PRTG: variants seen among roughly 807,000 people sequenced by gnomAD.
PRTG encodes the protein immunoglobulin superfamily, DCC subclass, member 5.
In PRTG, 67 loss-of-function variants were observed where a neutral mutation model predicts 122.5. That is an observed-to-expected ratio of 0.55 (90% CI 0.45 to 0.67). The LOEUF is 0.67. PRTG is among the 30% of genes least tolerant of loss of function. The pLI is 0.00. For missense variants in PRTG, 1,435 were observed against 1,415.4 expected, an observed-to-expected ratio of 1.01 and a Z score of -0.22; for synonymous variants, 554 against 501.1, an observed-to-expected ratio of 1.11 and a Z score of -1.41.
chr15:55,647,510 G>A (rs1408919334), intron 11 of PRTG, among the ~76,000 whole-genome samples: 1 of 152,158 alleles, frequency 6.6e-6, no homozygotes, highest in Non-Finnish European at 1.5e-5. Flanking sequence ...ACTTGAGCAA[G>A]TTTCTTTCTT....
At chr15:55,625,347 C>T (rs751595487) in intron 17 of PRTG, among the ~76,000 whole-genome samples, 3 of 152,098 alleles carry the variant, frequency 2.0e-5, no homozygotes, top group Admixed American at 6.5e-5. Context: ...CCATATGTCC[C>T]GTGGTGTTCT....
Position 55,649,084 on chromosome 15 carries a change from G to A in PRTG, c.2042-7876C>T, listed in dbSNP as rs369068955. Reference sequence around the variant, plus strand: ...TGCACTCCAGACTGAGCAAGACTCCGTCTCAAAAAAAAAAAGAAAAAAAAC... The same window carrying A: ...TGCACTCCAGACTGAGCAAGACTCCATCTCAAAAAAAAAAAGAAAAAAAAC... On this transcript the variant is annotated intron_variant, in intron 11 of 19. Coordinates refer to ENST00000389286, the MANE Select transcript of PRTG (RefSeq NM_173814.6). Among the ~76,000 whole-genome samples the A allele has an allele frequency of 3.4e-4, 46 of 133,442 alleles. No individual in the cohort carries two copies. In the East Asian group the frequency reaches 6.9e-3, roughly 20 times the overall value. The allele number at this position is 133,442 out of a possible 152,430, so 87.5% of individuals were successfully genotyped here.
At chr15:55,666,792 T>C (rs1463821557) in intron 11 of PRTG, among the ~76,000 whole-genome samples, 1 of 152,194 alleles carries the variant, frequency 6.6e-6, no homozygotes, top group East Asian at 1.9e-4. Context: ...ATAATGCAGT[T>C]TTCCCAGGCA....
chr15:55,689,755 G>A (rs1319938540), intron 2 of PRTG, among the ~76,000 whole-genome samples: 6 of 151,856 alleles, frequency 4.0e-5, no homozygotes, highest in Non-Finnish European at 8.8e-5. Flanking sequence ...GTGAAACCCC[G>A]TCTCTACTAA....
chr15:55,671,959 C>G (rs912151148), intron 11 of PRTG, among the ~76,000 whole-genome samples: 1 of 152,108 alleles, frequency 6.6e-6, no homozygotes, highest in African/African-American at 2.4e-5. Context: ...CTCCAGTGTT[C>G]CTGGGTTAGA....
chr15:55,625,083 G>A (rs1488144803), intron 17 of PRTG, among the ~76,000 whole-genome samples: 3 of 152,118 alleles, frequency 2.0e-5, no homozygotes, highest in Admixed American at 6.5e-5. Context: ...TGCTAATGGA[G>A]GGAGTCTAAT....
In PRTG at chr15:55,611,589, C is replaced by T. The variant is rs955637839; in HGVS notation, c.*8423G>A. ...CTTTTATTTAAATTGTGCAATCAAT[C>T]AGTATTTAGACAGCAGTTTCATAAA... On this transcript the variant is annotated 3_prime_UTR_variant, in exon 20 of 20. Coordinates refer to ENST00000389286, the MANE Select transcript of PRTG (RefSeq NM_173814.6). 1 of 151,946 alleles carries T rather than the reference C, an allele frequency of 6.6e-6. No homozygotes were observed. Among genetic ancestry groups the T allele is most frequent in the Non-Finnish European group, 1.5e-5 (1 of 67,978 alleles). The allele number at this position is 151,946 out of a possible 1,614,324, so 9.4% of individuals were successfully genotyped here.
chr15:55,719,658 A>ATTG (rs1203020069), intron 2 of PRTG, among the ~76,000 whole-genome samples: 6 of 152,250 alleles, frequency 3.9e-5, no homozygotes, highest in African/African-American at 1.4e-4. Flanking sequence ...TTACTAAATC[A>ATTG]TAACATAGTA....
intron 15 of PRTG, among the ~76,000 whole-genome samples, chr15:55,630,087 C>T (rs1001319706): frequency 4.6e-5 from 7 of 151,536 alleles, no homozygotes; most frequent in African/African-American, 1.5e-4. Context: ...CCCAGGTTCA[C>T]GCCATTCTCC....
intron 17 of PRTG, among the ~76,000 whole-genome samples, chr15:55,625,406 A>G (rs2059189095): frequency 6.6e-6 from 1 of 152,032 alleles, no homozygotes; most frequent in Non-Finnish European, 1.5e-5. Context: ...AAAATATTCC[A>G]GATAGTAAGA....
chr15:55,727,774 C>T (rs774516954), intron 2 of PRTG, among the ~76,000 whole-genome samples: 1 of 152,074 alleles, frequency 6.6e-6, no homozygotes, highest in South Asian at 2.1e-4. Flanking sequence ...CCAGCCTTGG[C>T]GACAGAGCGA....
chr15:55,628,587 GAAGT>G (rs1349446851), intron 16 of PRTG, among the ~76,000 whole-genome samples: 3 of 152,056 alleles, frequency 2.0e-5, no homozygotes, highest in African/African-American at 7.2e-5. Context: ...GCTGGGAGAA[GAAGT>G]AACTGGAAAC....
At chr15:55,637,096 A>G in intron 15 of PRTG, 74 bp downstream of exon 15, 2,448 of 901,970 alleles carry the variant, frequency 2.7e-3, no homozygotes, top group Non-Finnish European at 3.5e-3. Context: ...TAAACTCTAG[A>G]TTCCCCTTTC....
At chr15:55,685,817 C>T (rs2059567325) in intron 2 of PRTG, among the ~76,000 whole-genome samples, 2 of 152,040 alleles carry the variant, frequency 1.3e-5, no homozygotes, top group African/African-American at 4.8e-5. Context: ...AGTTGGAGAA[C>T]CACTCTTAGA....
chr15:55,701,830 G>A (rs758399221), intron 2 of PRTG, among the ~76,000 whole-genome samples: 1 of 152,182 alleles, frequency 6.6e-6, no homozygotes, highest in African/African-American at 2.4e-5. Flanking sequence ...ATTATGCTGA[G>A]TAAAAGAAGC....
chr15:55,669,886 A>G (rs1308313652), intron 11 of PRTG, among the ~76,000 whole-genome samples: 1 of 152,250 alleles, frequency 6.6e-6, no homozygotes, highest in Non-Finnish European at 1.5e-5. Context: ...CTATTTTAAT[A>G]GACATAGTAT....
intron 2 of PRTG, among the ~76,000 whole-genome samples, chr15:55,718,279 G>C (rs577851515): frequency 6.6e-6 from 1 of 152,168 alleles, no homozygotes; most frequent in South Asian, 2.1e-4. Context: ...TTGTAAAATG[G>C]GCAAATGGTC....
intron 2 of PRTG, among the ~76,000 whole-genome samples, chr15:55,713,529 T>G (rs2030475263): frequency 1.3e-5 from 2 of 152,244 alleles, no homozygotes; most frequent in South Asian, 4.1e-4. Flanking sequence ...TATTGCCAAA[T>G]TACTCTCTAA....
In PRTG at chr15:55,616,499, C is replaced by T. The variant is rs1378004114; in HGVS notation, c.*3513G>A. On this transcript the variant is annotated 3_prime_UTR_variant, in exon 20 of 20. Coordinates refer to ENST00000389286, the MANE Select transcript of PRTG (RefSeq NM_173814.6). ...AAAAGCTTGCTGATATTTCTGTTGA[C>T]ATTTCACACTCAAGGTGCTTTGGAA... The T allele has an allele frequency of 2.6e-5, 4 of 152,126 alleles. No homozygotes were observed. Among genetic ancestry groups the T allele is most frequent in the African/African-American group, 9.7e-5 (4 of 41,450 alleles). 9.4% of individuals were successfully genotyped at this position (152,126 alleles called of 1,614,324 possible). A position where few individuals can be genotyped will look rare whatever the true frequency, so the allele number is the denominator to read the frequency against.
Sources: allele counts gnomAD v4.1 joint callset (sites outside exome capture counted in the v4.1 genomes callset), GRCh38; gene constraint gnomAD v4.1.1; transcripts MANE v1.5; gene names NCBI Gene and HGNC (gene_info 2026-07-23, HGNC 2026-07-21).